Variants in FSTL5 observed in about 807,000 individuals in gnomAD.
The protein encoded by FSTL5 is follistatin like 5, also known as follistatin-related protein 5.
Under a neutral mutation model 89.1 loss-of-function variants are expected in FSTL5, and 62 were observed. The observed-to-expected ratio is 0.70, with a 90% CI of 0.57 to 0.86. The LOEUF is 0.86. Ranked by LOEUF, FSTL5 falls within the 40% of genes least tolerant of loss-of-function variation. FSTL5 has a pLI of 0.00. For synonymous variants in FSTL5, 383 were observed against 346.2 expected (o/e 1.11, Z -1.18); for missense variants, 1,057 against 1,001.6 (o/e 1.06, Z -0.75).
At chr4:161,421,081 C>A (rs1731974225) in intron 15 of FSTL5, among the ~76,000 whole-genome samples, 1 of 152,048 alleles carries the variant, frequency 6.6e-6, no homozygotes, top group Non-Finnish European at 1.5e-5. Context: ...GTGGCTCATG[C>A]CTGTAATCCC....
intron 15 of FSTL5, among the ~76,000 whole-genome samples, chr4:161,399,101 T>A (rs1299931987): frequency 6.6e-6 from 1 of 152,156 alleles, no homozygotes; most frequent in African/African-American, 2.4e-5. Context: ...AAGCGAAGTC[T>A]GTGCATGGAC....
intron 3 of FSTL5, among the ~76,000 whole-genome samples, chr4:161,962,520 G>A (rs1046674367): frequency 6.6e-6 from 1 of 151,444 alleles, no homozygotes; most frequent in African/African-American, 2.4e-5. Context: ...TTTTGTAGTT[G>A]CTGCTAATAT....
intron 1 of FSTL5, among the ~76,000 whole-genome samples, chr4:162,116,322 G>A (rs991980170): frequency 2.0e-5 from 3 of 152,164 alleles, no homozygotes; most frequent in Admixed American, 6.5e-5. Context: ...CGTGTGCCAA[G>A]GCCGACCTCT....
At chr4:161,649,219 T>C (rs1425726910) in intron 7 of FSTL5, among the ~76,000 whole-genome samples, 1 of 152,210 alleles carries the variant, frequency 6.6e-6, no homozygotes, top group Non-Finnish European at 1.5e-5. Flanking sequence ...TCTTGTAATT[T>C]ACATGTGGAC....
At chr4:161,722,359 T>C (rs1424378991) in intron 6 of FSTL5, among the ~76,000 whole-genome samples, 2 of 152,184 alleles carry the variant, frequency 1.3e-5, no homozygotes, top group Non-Finnish European at 2.9e-5. Context: ...TGATTCAAAA[T>C]AAAGAGTTAG....
chr4:161,746,361 GA>G (rs1357309705), intron 6 of FSTL5, among the ~76,000 whole-genome samples: 4 of 152,052 alleles, frequency 2.6e-5, no homozygotes, highest in African/African-American at 7.2e-5. Context: ...CATAACTTCT[GA>G]TTTACCCAAC....
intron 2 of FSTL5, among the ~76,000 whole-genome samples, chr4:162,070,388 T>C (rs1396975428): frequency 6.6e-6 from 1 of 151,884 alleles, no homozygotes; most frequent in African/African-American, 2.4e-5. Flanking sequence ...TCTATTTTTG[T>C]CTGTTCATCT....
chr4:162,102,234 C>A (rs1023414263), intron 2 of FSTL5, among the ~76,000 whole-genome samples: 1 of 151,960 alleles, frequency 6.6e-6, no homozygotes, highest in Non-Finnish European at 1.5e-5. Flanking sequence ...GCTTAACTCA[C>A]CTGTGTCCTA....
At chr4:161,663,647 G>T (rs1270243510) in intron 6 of FSTL5, among the ~76,000 whole-genome samples, 1 of 152,128 alleles carries the variant, frequency 6.6e-6, no homozygotes, top group Non-Finnish European at 1.5e-5. Flanking sequence ...TTTTCTAGGT[G>T]CATGTTGCAA....
rs1202500445 is a variant in FSTL5 at position 162,114,524 on chromosome 4, G to T, written c.-16-3112C>A. On this transcript the variant is annotated intron_variant, in intron 1 of 15. Transcript: ENST00000306100. ...TCTTCTTCCCTCTCTTTCTCTTTGT[G>T]TGTGGACACACACACACACACACAC... Among the ~76,000 whole-genome samples, 10 of 101,654 alleles carry T rather than the reference G, an allele frequency of 9.8e-5. No homozygotes were observed. The East Asian group carries it at 2.8e-3, about 29-fold the overall frequency. The allele number at this position is 101,654 out of a possible 152,430, so 66.7% of individuals were successfully genotyped here. A position where few individuals can be genotyped will look rare whatever the true frequency, so the allele number is the denominator to read the frequency against.
chr4:161,562,535 T>C (rs1732642370), intron 8 of FSTL5, among the ~76,000 whole-genome samples: 1 of 152,006 alleles, frequency 6.6e-6, no homozygotes, highest in African/African-American at 2.4e-5. Context: ...TGGCTTTCAG[T>C]ATAAAAGTCT....
At chr4:161,999,957 G>T (rs1353938766) in intron 3 of FSTL5, among the ~76,000 whole-genome samples, 1 of 152,140 alleles carries the variant, frequency 6.6e-6, no homozygotes, top group Non-Finnish European at 1.5e-5. Flanking sequence ...AAAGTTTTTG[G>T]TGAATTCTAC....
At chr4:161,983,458 C>T (rs1176923001) in intron 3 of FSTL5, among the ~76,000 whole-genome samples, 2 of 152,166 alleles carry the variant, frequency 1.3e-5, no homozygotes, top group African/African-American at 4.8e-5. Context: ...GGACTGCTGG[C>T]AGACAGCAAG....
chr4:161,448,571 T>C (rs776062868), intron 15 of FSTL5, among the ~76,000 whole-genome samples: 6 of 152,144 alleles, frequency 3.9e-5, no homozygotes, highest in Non-Finnish European at 7.4e-5. Context: ...TCAAACTCAA[T>C]CCCTTCTTAA....
intron 8 of FSTL5, among the ~76,000 whole-genome samples, chr4:161,553,656 T>C (rs1732290407): frequency 6.6e-6 from 1 of 151,430 alleles, no homozygotes; most frequent in African/African-American, 2.4e-5. Context: ...TAATATAATA[T>C]ATGTCTTTAT....
At chr4:161,999,806 C>T (rs946418665) in intron 3 of FSTL5, among the ~76,000 whole-genome samples, 1 of 152,148 alleles carries the variant, frequency 6.6e-6, no homozygotes, top group Non-Finnish European at 1.5e-5. Context: ...AATGCACACT[C>T]CCCGCCATGC....
At chr4:161,612,462 A>T (rs1166208559) in intron 7 of FSTL5, among the ~76,000 whole-genome samples, 4 of 152,236 alleles carry the variant, frequency 2.6e-5, no homozygotes, top group Admixed American at 6.5e-5. Flanking sequence ...CTATTCTGTG[A>T]CAAGAATAAG....
chr4:162,147,011 A>G (rs567145553), intron 1 of FSTL5, among the ~76,000 whole-genome samples: 4 of 152,014 alleles, frequency 2.6e-5, no homozygotes, highest in Admixed American at 1.3e-4. Context: ...CGAACTCCTG[A>G]CCTCAAGTGA....
chr4:162,067,000 G>A lies in FSTL5; in HGVS notation c.127-33342C>T, dbSNP rs145383453. ...ATTAGTTCTAGATCCTTGAGGAATC[G>A]CCACACTGTCTTCCACAATGGTTGA... On this transcript the variant is annotated intron_variant, in intron 2 of 15. Coordinates refer to ENST00000306100, the MANE Select transcript of FSTL5 (RefSeq NM_020116.5). Among the ~76,000 whole-genome samples the A allele has an allele frequency of 5.7e-3, 871 of 151,894 alleles. 5 individuals carry two copies. The highest frequency in any genetic ancestry group is 0.02 in the African/African-American group (829 of 41,436).
Sources: gnomAD v4.1 joint callset for allele counts (sites outside exome capture counted in the v4.1 genomes callset) on GRCh38, gnomAD v4.1.1 for gene constraint, MANE v1.5 for transcripts, NCBI Gene and HGNC (gene_info 2026-07-23, HGNC 2026-07-21) for gene names.